Variants in RIC1 observed in about 807,000 individuals in gnomAD.
The protein encoded by RIC1 is guanine nucleotide exchange factor subunit RIC1.
RIC1 carries 88 observed loss-of-function variants against 169.0 expected under a neutral mutation model. The observed-to-expected ratio is 0.52, with a 90% CI of 0.44 to 0.62. The LOEUF is 0.62. Among genes scored for constraint, RIC1 ranks in the 20% least tolerant of loss-of-function variants. The pLI, the probability that RIC1 is intolerant of heterozygous loss-of-function variation, is 0.00. For synonymous variants in RIC1, 790 were observed against 601.5 expected (o/e 1.31, Z -4.59); for missense variants, 1,877 against 1,725.5 (o/e 1.09, Z -1.56).
chr9:5,686,809 C>A (rs1245906998), intron 2 of RIC1, among the ~76,000 whole-genome samples: 1 of 151,904 alleles, frequency 6.6e-6, no homozygotes, highest in Admixed American at 6.6e-5. Context: ...AATGAGGGAT[C>A]TTGGCCTGTA....
At chr9:5,682,867 T>C (rs1422628607) in intron 2 of RIC1, among the ~76,000 whole-genome samples, 1 of 152,224 alleles carries the variant, frequency 6.6e-6, no homozygotes, top group African/African-American at 2.4e-5. Flanking sequence ...TCGTTTCTTT[T>C]TATTCTTTTT....
At chr9:5,701,592 TAAAAAAA>T (rs113165668) in intron 3 of RIC1, among the ~76,000 whole-genome samples, 11 of 143,800 alleles carry the variant, frequency 7.6e-5, no homozygotes, top group African/African-American at 2.8e-4. Context: ...AGACTCCATT[TAAAAAAA>T]AAAAAAAAGA....
chr9:5,682,897 G>A (rs967201959), intron 2 of RIC1, among the ~76,000 whole-genome samples: 40 of 151,910 alleles, frequency 2.6e-4, no homozygotes, highest in Admixed American at 1.9e-3. Flanking sequence ...TTCTCTTCTC[G>A]CTTCATTTCA....
chr9:5,635,769 T>A (rs1048295847), intron 1 of RIC1, among the ~76,000 whole-genome samples: 1 of 152,160 alleles, frequency 6.6e-6, no homozygotes, highest in African/African-American at 2.4e-5. Flanking sequence ...CGAGATCTGA[T>A]GGTTTTATAA....
At chr9:5,678,203 T>G (rs549055726) in intron 2 of RIC1, among the ~76,000 whole-genome samples, 20 of 152,350 alleles carry the variant, frequency 1.3e-4, no homozygotes, top group African/African-American at 4.8e-4. Flanking sequence ...CTGCATAGTA[T>G]TCCATGGTAT....
intron 1 of RIC1, among the ~76,000 whole-genome samples, chr9:5,630,501 C>T (rs999153135): frequency 1.3e-5 from 2 of 152,132 alleles, no homozygotes; most frequent in African/African-American, 4.8e-5. Context: ...TGTTGCTGTT[C>T]CATTACCTGT....
At position 5,775,292 on chromosome 9, in the gene RIC1, G is replaced by C. The variant is rs946409681; in HGVS notation, c.*1046G>C. 1 of 152,162 alleles carries C rather than the reference G, an allele frequency of 6.6e-6. No homozygotes were observed. Among genetic ancestry groups the C allele is most frequent in the Admixed American group, 6.5e-5 (1 of 15,282 alleles). The allele number at this position is 152,162 out of a possible 1,614,324, so 9.4% of individuals were successfully genotyped here. On this transcript the variant is annotated 3_prime_UTR_variant, in exon 26 of 26. Transcript: ENST00000414202. ...CGGCTACTAAAAATTAGTGTGTAAA[G>C]AATGCATTCTTCATTGTAAACTTAA...
chr9:5,663,244 C>T (rs749072613), intron 2 of RIC1, among the ~76,000 whole-genome samples: 5 of 152,090 alleles, frequency 3.3e-5, no homozygotes, highest in Non-Finnish European at 7.3e-5. Flanking sequence ...GTTTTACTTC[C>T]GATTATGTGA....
intron 1 of RIC1, among the ~76,000 whole-genome samples, chr9:5,650,093 T>C (rs998823689): frequency 2.0e-5 from 3 of 152,154 alleles, no homozygotes; most frequent in African/African-American, 7.2e-5. Flanking sequence ...TGTGTGCCTG[T>C]CCTTCGGCCC....
At chr9:5,703,410 A>G (rs1416527248) in intron 3 of RIC1, among the ~76,000 whole-genome samples, 2 of 152,148 alleles carry the variant, frequency 1.3e-5, no homozygotes, top group Non-Finnish European at 1.5e-5. Flanking sequence ...AACTATCACA[A>G]TTACCTAGTT....
intron 6 of RIC1, among the ~76,000 whole-genome samples, chr9:5,726,937 A>G (rs967460775): frequency 1.2e-4 from 19 of 152,184 alleles, no homozygotes. Context: ...TTAGTCTGAT[A>G]GGCTTCCCTT....
chr9:5,718,639 A>C (rs143246879), intron 4 of RIC1, among the ~76,000 whole-genome samples: 1 of 152,252 alleles, frequency 6.6e-6, no homozygotes, highest in African/African-American at 2.4e-5. Context: ...TTTTCATAGC[A>C]TATAGTAGTG....
In RIC1 at chr9:5,763,936, T is replaced by G. The variant is rs1035268088; in HGVS notation, c.2841+68T>G. 4 of 1,476,992 alleles carry G rather than the reference T, an allele frequency of 2.7e-6. No homozygotes were observed. The Admixed American group carries it at 8.8e-5, about 33-fold the overall frequency. The allele number at this position is 1,476,992 out of a possible 1,614,324, so 91.5% of individuals were successfully genotyped here. ...TAAACTTAGAAAAATAGAAATGTCC[T>G]GTTTTGACACCATGATTGTGTTTAA... On this transcript the variant is annotated intron_variant, in intron 19 of 25. Coordinates refer to ENST00000414202, the MANE Select transcript of RIC1 (RefSeq NM_020829.4). The surrounding 1 kb of genome is among the most constrained non-coding windows in gnomAD (Gnocchi z 5.2).
At position 5,772,966 on chromosome 9, in the gene RIC1, C is replaced by T. The variant is rs1181412339; in HGVS notation, c.3869C>T (p.Ser1290Phe). ...CIVIGLILRE[S>F]SIINQILVIT... ...GTTATAGGCCTGATTCTTAGAGAAT[C>T]CTCAATAATCAATCAGATTTTGGTT... The change falls in exon 25 of 26, where the codon TCC (serine) becomes TTC (phenylalanine). Residue 1290 changes from serine (S) to phenylalanine (F), a missense_variant. Ser to Phe is a radical substitution (Grantham distance 155, BLOSUM62 -2). Coordinates refer to ENST00000414202, the MANE Select transcript of RIC1 (RefSeq NM_020829.4). The T allele has an allele frequency of 6.2e-7, 1 of 1,613,608 alleles. No individual in the cohort carries two copies.
intron 3 of RIC1, among the ~76,000 whole-genome samples, chr9:5,693,798 A>C (rs1821729370): frequency 6.6e-6 from 1 of 152,020 alleles, no homozygotes; most frequent in Non-Finnish European, 1.5e-5. Flanking sequence ...TGTCATCATC[A>C]TGTATACTTT....
chr9:5,726,520 G>T (rs1056672306), intron 6 of RIC1, among the ~76,000 whole-genome samples: 4 of 152,182 alleles, frequency 2.6e-5, no homozygotes, highest in African/African-American at 9.7e-5. Flanking sequence ...TTGCCAGTCT[G>T]TGTCTTTTAA....
At chr9:5,645,327 T>C (rs923721034) in intron 1 of RIC1, among the ~76,000 whole-genome samples, 2 of 152,236 alleles carry the variant, frequency 1.3e-5, no homozygotes, top group African/African-American at 4.8e-5. Context: ...GTATTAGCCA[T>C]GATGCCCAGA....
intron 3 of RIC1, among the ~76,000 whole-genome samples, chr9:5,701,470 G>A (rs1307464795): frequency 1.3e-5 from 2 of 151,830 alleles, no homozygotes; most frequent in African/African-American, 4.8e-5. Flanking sequence ...AAAATTAGCT[G>A]GTGTGGTAAT....
At chr9:5,768,028 T>C (rs1826913877) in intron 21 of RIC1, among the ~76,000 whole-genome samples, 1 of 152,218 alleles carries the variant, frequency 6.6e-6, no homozygotes, top group African/African-American at 2.4e-5. Context: ...GAAAATAAAC[T>C]TAGTTATGTT....
Sources: gnomAD v4.1 joint callset for allele counts (sites outside exome capture counted in the v4.1 genomes callset) on GRCh38, gnomAD v4.1.1 for gene constraint, Gnocchi (gnomAD v3.1) non-coding constraint, MANE v1.5 for transcripts, NCBI Gene and HGNC (gene_info 2026-07-23, HGNC 2026-07-21) for gene names.